COL4A2: variants seen among roughly 807,000 people sequenced by gnomAD.
COL4A2 encodes the protein collagen type IV alpha 2 chain.
Under a neutral mutation model 200.2 loss-of-function variants are expected in COL4A2, and 99 were observed. The ratio of observed to expected loss-of-function variants is 0.49; its 90% CI spans 0.42 to 0.58. COL4A2 has a LOEUF of 0.58. COL4A2 is among the 20% of genes least tolerant of loss of function. The pLI is 0.00. For missense variants in COL4A2, 1,950 were observed against 2,314.1 expected (o/e 0.84, Z 3.23); for synonymous variants, 897 against 900.6 (o/e 1.00, Z 0.07).
At chr13:110,506,220 ACT>A (rs577134561) in intron 45 of COL4A2, among the ~76,000 whole-genome samples, 193 bp from the exon 46 acceptor site, 1 of 76,112 alleles carries the variant, frequency 1.3e-5, no homozygotes, top group African/African-American at 5.5e-5. Flanking sequence ...CCGTCCACTC[ACT>A]CTCTCTCTCG....
At chr13:110,488,000 C>T (rs542003215) in intron 34 of COL4A2, among the ~76,000 whole-genome samples, 6 of 152,166 alleles carry the variant, frequency 3.9e-5, no homozygotes, top group Non-Finnish European at 7.4e-5. Context: ...TACCCTCCCC[C>T]TTCCTCCCAC....
At chr13:110,489,410 A>G in intron 34 of COL4A2, 35 bp from the exon 35 acceptor site, 1 of 1,608,148 alleles carries the variant, frequency 6.2e-7, no homozygotes, top group Non-Finnish European at 8.5e-7. Context: ...TGACTTCGCT[A>G]ACAGCCTTCT....
Position 110,512,529 on chromosome 13 carries a change from A to C in COL4A2, c.*338A>C, listed in dbSNP as rs1353021232. On this transcript the variant is annotated 3_prime_UTR_variant, in exon 48 of 48. Coordinates refer to ENST00000360467, the MANE Select transcript of COL4A2 (RefSeq NM_001846.4). ...TGCCACAGACAACTCACATTGTTCA[A>C]CTCCCTTCTCGGGGTGGGACAGACG... 1.4e-5 allele frequency: 4 copies of C among 279,976 alleles called. No homozygotes were observed. The highest frequency in any genetic ancestry group is 5.3e-5 in the South Asian group (1 of 18,854). 17.3% of individuals were successfully genotyped at this position (279,976 alleles called of 1,614,324 possible). A position where few individuals can be genotyped will look rare whatever the true frequency, so the allele number is the denominator to read the frequency against.
intron 4 of COL4A2, among the ~76,000 whole-genome samples, chr13:110,370,171 A>C (rs1877940306): frequency 6.6e-6 from 1 of 151,168 alleles, no homozygotes; most frequent in Non-Finnish European, 1.5e-5. Context: ...AGATTATTGC[A>C]TTGCATTGGC....
chr13:110,389,255 A>T (rs1436643033), intron 4 of COL4A2, among the ~76,000 whole-genome samples: 1 of 152,082 alleles, frequency 6.6e-6, no homozygotes, highest in Non-Finnish European at 1.5e-5. Context: ...TCCCTTTCCT[A>T]TAAAGTAGTG....
rs1490344018 is a variant in COL4A2, at chr13:110,446,854, C to G, written c.1068C>G (p.Ser356=). 1 of 1,611,928 alleles carries G rather than the reference C, an allele frequency of 6.2e-7. No homozygotes were observed. Among genetic ancestry groups the G allele is most frequent in the Admixed American group, 1.7e-5 (1 of 59,996 alleles). The change falls in exon 18 of 48, where the codon TCC becomes TCG. Residue 356 remains serine (S), a synonymous_variant. Coordinates refer to ENST00000360467, the MANE Select transcript of COL4A2 (RefSeq NM_001846.4). ...TACCTGCCTACTCCCCTCACCCTTCCCTAGCAAAAGGTGTGTGAACAATTT... is the reference window on the plus strand; with the variant it reads ...TACCTGCCTACTCCCCTCACCCTTCGCTAGCAAAAGGTGTGTGAACAATTT... ...PGLPAYSPHP[S]LAKGARGDPG...
intron 3 of COL4A2, among the ~76,000 whole-genome samples, chr13:110,354,100 T>C (rs932924530): frequency 3.3e-5 from 5 of 152,218 alleles, no homozygotes; most frequent in African/African-American, 4.8e-5. Context: ...CTTTGATTTA[T>C]ATGGAGGGAT....
chr13:110,363,433 C>G (rs872587), intron 4 of COL4A2, among the ~76,000 whole-genome samples: 314 of 152,080 alleles, frequency 2.1e-3, no homozygotes, highest in African/African-American at 7.3e-3. Flanking sequence ...AAATTCAACA[C>G]TATAAATCAA....
intron 4 of COL4A2, among the ~76,000 whole-genome samples, chr13:110,404,559 A>G (rs1047404989): frequency 6.6e-6 from 1 of 152,228 alleles, no homozygotes; most frequent in Non-Finnish European, 1.5e-5. Flanking sequence ...TACAACAAGG[A>G]GGAGCCGCCA....
At position 110,349,930 on chromosome 13, in the gene COL4A2, A is replaced by C. The variant is rs923293727; in HGVS notation, c.100-7542A>C. ...AAGCGTGAGCCACCATGTCCAGCTA[A>C]TTTTTACATTCTTAGTAGAGACAGG... is the stretch of plus-strand genomic sequence containing the variant. On this transcript the variant is annotated intron_variant, in intron 3 of 47. Coordinates refer to ENST00000360467, the MANE Select transcript of COL4A2 (RefSeq NM_001846.4). Among the ~76,000 whole-genome samples the C allele has an allele frequency of 3.9e-5, 6 of 152,178 alleles. No individual in the cohort carries two copies. In the South Asian group the frequency reaches 1.2e-3, roughly 32 times the overall value.
At chr13:110,501,087 G>A (rs1302357342) in intron 40 of COL4A2, among the ~76,000 whole-genome samples, 5 of 152,174 alleles carry the variant, frequency 3.3e-5, no homozygotes, top group South Asian at 2.1e-4. Context: ...GTGTATATCT[G>A]TGAATGCCAG....
At chr13:110,349,234 A>G (rs1284019077) in intron 3 of COL4A2, among the ~76,000 whole-genome samples, 1 of 152,228 alleles carries the variant, frequency 6.6e-6, no homozygotes, top group Middle Eastern at 3.2e-3. Context: ...TGTCCTAAAT[A>G]TAAGGACCAA....
At chr13:110,410,579 C>T (rs1006800755) in intron 4 of COL4A2, among the ~76,000 whole-genome samples, 1 of 152,116 alleles carries the variant, frequency 6.6e-6, no homozygotes, top group African/African-American at 2.4e-5. Context: ...CTTTTTCTCC[C>T]GTAGCTTTCC....
intron 4 of COL4A2, among the ~76,000 whole-genome samples, chr13:110,360,790 C>A (rs1042110266): frequency 6.9e-6 from 1 of 144,608 alleles, no homozygotes; most frequent in South Asian, 2.5e-4. Context: ...ACGATACCCG[C>A]CCCCCACCCC....
intron 34 of COL4A2, among the ~76,000 whole-genome samples, chr13:110,488,104 G>A (rs1883168317): frequency 6.6e-6 from 1 of 152,160 alleles, no homozygotes; most frequent in Admixed American, 6.5e-5. Context: ...TTAGCTCACT[G>A]CAACCACTGC....
chr13:110,503,250 G>C lies in COL4A2; in HGVS notation c.4007G>C (p.Arg1336Thr). The C allele has an allele frequency of 6.2e-7, 1 of 1,609,592 alleles. No individual in the cohort carries two copies. The highest frequency in any genetic ancestry group is 8.5e-7 in the Non-Finnish European group (1 of 1,178,564). The stretch of plus-strand genomic sequence containing the variant: ...GCCGGGGACTCCGGGCCCCAGGGCA[G>C]GCCTGGTGTGTTTGGTCTCCCAGGA... ...GWAGDSGPQGRPGVFGLPGEK... is the reference protein window; with the variant it reads ...GWAGDSGPQGTPGVFGLPGEK... Residue 1336 changes from arginine (R) to threonine (T), a missense_variant, in exon 42 of 48, where the codon AGG (arginine) becomes ACG (threonine). Coordinates refer to ENST00000360467, the MANE Select transcript of COL4A2 (RefSeq NM_001846.4).
At position 110,437,934 on chromosome 13, in the gene COL4A2, C is replaced by CTGAT. The variant is rs752836371; in HGVS notation, c.826-62_826-59dup. 1.5e-5 allele frequency: 19 copies of CTGAT among 1,259,990 alleles called. 1 individual carries two copies. The South Asian group carries it at 2.0e-4, about 13-fold the overall frequency. 78.1% of individuals were successfully genotyped at this position (1,259,990 alleles called of 1,614,324 possible). A position where few individuals can be genotyped will look rare whatever the true frequency, so the allele number is the denominator to read the frequency against. Reference sequence around the variant, plus strand: ...GTACTTTCAGCTCATGTCATGAACCCTGATTGATTTTTACCCATTACCATC... The same window carrying CTGAT: ...GTACTTTCAGCTCATGTCATGAACCCTGATTGATTGATTTTTACCCATTACCATC... On this transcript the variant is annotated intron_variant, in intron 13 of 47. Transcript: ENST00000360467.
intron 3 of COL4A2, among the ~76,000 whole-genome samples, chr13:110,322,327 G>A (rs1487729874): frequency 5.3e-5 from 8 of 152,184 alleles, no homozygotes; most frequent in East Asian, 1.9e-4. Context: ...GGCTTGGGCC[G>A]CACTGAGTTG....
intron 4 of COL4A2, among the ~76,000 whole-genome samples, chr13:110,365,243 G>A (rs953459401): frequency 6.6e-6 from 1 of 152,102 alleles, no homozygotes; most frequent in Non-Finnish European, 1.5e-5. Context: ...CTGGGTTCAA[G>A]TCATTCTCCT....
Sources: gnomAD v4.1 joint callset for allele counts (sites outside exome capture counted in the v4.1 genomes callset) on GRCh38, gnomAD v4.1.1 for gene constraint, MANE v1.5 for transcripts, NCBI Gene and HGNC (gene_info 2026-07-23, HGNC 2026-07-21) for gene names.